PHF14: variants seen among roughly 807,000 people sequenced by gnomAD.
The protein encoded by PHF14 is PHD finger protein 14.
In PHF14, 55 loss-of-function variants were observed where a neutral mutation model predicts 117.9. The ratio of observed to expected loss-of-function variants is 0.47; its 90% CI spans 0.38 to 0.58. PHF14 has a LOEUF of 0.58. PHF14 is among the 20% of genes least tolerant of loss of function. The pLI is 0.00. For synonymous variants in PHF14, 409 were observed against 368.6 expected, an observed-to-expected ratio of 1.11 and a Z score of -1.26; for missense variants, 978 against 1,122.2, an observed-to-expected ratio of 0.87 and a Z score of 1.84.
At chr7:10,992,898 T>C (rs1307330455) in intron 4 of PHF14, among the ~76,000 whole-genome samples, 1 of 152,224 alleles carries the variant, frequency 6.6e-6, no homozygotes, top group East Asian at 1.9e-4. Flanking sequence ...TGAGTTTCTG[T>C]CTCATAGACA....
intron 17 of PHF14, among the ~76,000 whole-genome samples, chr7:11,122,352 T>TATATATATATATATATATATATAAACAC: frequency 1.5e-5 from 1 of 65,856 alleles, no homozygotes; most frequent in Non-Finnish European, 2.8e-5. Context: ...TATATATATA[T>TATATATATATATATATATATATAAACAC]ACACACACAC....
chr7:11,106,356 T>C (rs1394300060), intron 16 of PHF14: 2 of 980,080 alleles, frequency 2.0e-6, no homozygotes, highest in Non-Finnish European at 2.4e-6. Flanking sequence ...ATTAATGAAA[T>C]AGGTTCAAGC....
intron 4 of PHF14, among the ~76,000 whole-genome samples, chr7:11,012,472 G>T (rs367901814): frequency 6.6e-6 from 1 of 152,214 alleles, no homozygotes; most frequent in East Asian, 1.9e-4. Context: ...TGTGTTGAAA[G>T]AAATCTGCAT....
intron 14 of PHF14, among the ~76,000 whole-genome samples, chr7:11,053,957 G>T (rs769643836): frequency 6.6e-6 from 1 of 151,502 alleles, no homozygotes; most frequent in Non-Finnish European, 1.5e-5. Context: ...TCCATGACCA[G>T]TAATTTCAGG....
At chr7:11,067,975 A>G (rs1414460623) in intron 16 of PHF14, among the ~76,000 whole-genome samples, 1 of 152,202 alleles carries the variant, frequency 6.6e-6, no homozygotes, top group Non-Finnish European at 1.5e-5. Context: ...AAGTGGGATC[A>G]CATTTCAACA....
At chr7:10,979,698 G>A (rs557045334) in intron 2 of PHF14, among the ~76,000 whole-genome samples, 3 of 151,842 alleles carry the variant, frequency 2.0e-5, no homozygotes, top group East Asian at 3.9e-4. Context: ...AATAAATATG[G>A]TTTATCTCCA....
chr7:11,162,781 G>A (rs943575103), intron 17 of PHF14, among the ~76,000 whole-genome samples: 1 of 150,772 alleles, frequency 6.6e-6, no homozygotes, highest in African/African-American at 2.4e-5. Flanking sequence ...CGCTTCCTGG[G>A]TTCAAGTGAT....
At chr7:11,034,874 G>T (rs10228209) in intron 7 of PHF14, among the ~76,000 whole-genome samples, 2 of 151,980 alleles carry the variant, frequency 1.3e-5, no homozygotes, top group African/African-American at 4.8e-5. Context: ...ATCCTCAGTA[G>T]AATCTGTCCA....
chr7:11,034,064 T>C (rs1026874404), intron 7 of PHF14, among the ~76,000 whole-genome samples: 2 of 152,224 alleles, frequency 1.3e-5, no homozygotes, highest in African/African-American at 4.8e-5. Context: ...CTTCAAATTC[T>C]GTGATACACA....
chr7:11,035,809 CGTAT>C, intron 8 of PHF14, 23 bp downstream of exon 8: 1 of 1,547,554 alleles, frequency 6.5e-7, no homozygotes, highest in Non-Finnish European at 8.8e-7. Context: ...TGTCAAAACC[CGTAT>C]GTTTTTGTTT....
intron 17 of PHF14, among the ~76,000 whole-genome samples, chr7:11,138,206 A>G (rs1228945191): frequency 6.6e-6 from 1 of 151,880 alleles, no homozygotes; most frequent in Non-Finnish European, 1.5e-5. Flanking sequence ...ACACCTGGCT[A>G]ATTTTTTGTA....
chr7:11,147,294 G>A (rs1201503403), intron 17 of PHF14, among the ~76,000 whole-genome samples: 1 of 152,152 alleles, frequency 6.6e-6, no homozygotes, highest in Non-Finnish European at 1.5e-5. Flanking sequence ...TCCAGAGATA[G>A]CAGCTCAAGG....
chr7:11,120,199 C>T (rs1393591052), intron 17 of PHF14, among the ~76,000 whole-genome samples: 2 of 151,768 alleles, frequency 1.3e-5, no homozygotes, highest in African/African-American at 4.8e-5. Context: ...TGAAAAGAAA[C>T]AAACTGGGCT....
At chr7:11,020,189 G>C (rs1783686141) in intron 5 of PHF14, among the ~76,000 whole-genome samples, 2 of 151,518 alleles carry the variant, frequency 1.3e-5, no homozygotes, top group East Asian at 1.9e-4. Flanking sequence ...CCTGGGCTCA[G>C]GTGATCCTCC....
chr7:11,079,293 G>A lies in PHF14; in HGVS notation c.2654+17208G>A, dbSNP rs1186336563. On this transcript the variant is annotated intron_variant, in intron 16 of 17. Transcript: ENST00000634607. ...TGGCTCGGTAGCTGGCTTTTGCCAT[G>A]GCATATAAGCTGAGCGGTTATTCTA... Among the ~76,000 whole-genome samples, 26 of 152,104 alleles carry A rather than the reference G, an allele frequency of 1.7e-4. 1 individual carries two copies. The highest frequency in any genetic ancestry group is 1.7e-3 in the Admixed American group (26 of 15,282).
At chr7:11,004,289 C>T (rs560611802) in intron 4 of PHF14, among the ~76,000 whole-genome samples, 4 of 142,850 alleles carry the variant, frequency 2.8e-5, no homozygotes, top group Non-Finnish European at 4.5e-5. Context: ...AAGAAAACAT[C>T]TCTCATAATC....
intron 13 of PHF14, among the ~76,000 whole-genome samples, chr7:11,044,970 C>T (rs778017098): frequency 6.6e-6 from 1 of 152,134 alleles, no homozygotes; most frequent in East Asian, 1.9e-4. Flanking sequence ...TGTCAGTGCT[C>T]AAAAAACATT....
At chr7:11,045,647 C>T (rs901955121) in intron 13 of PHF14, among the ~76,000 whole-genome samples, 5 of 152,124 alleles carry the variant, frequency 3.3e-5, no homozygotes, top group African/African-American at 1.2e-4. Flanking sequence ...CAGTCCATCC[C>T]AGAGTTCTGT....
At chr7:11,095,672 A>C (rs139960909) in intron 16 of PHF14, among the ~76,000 whole-genome samples, 1 of 152,178 alleles carries the variant, frequency 6.6e-6, no homozygotes, top group African/African-American at 2.4e-5. Context: ...TTCATTATCT[A>C]CTAAATTGGG....
Sources: gnomAD v4.1 joint callset for allele counts (sites outside exome capture counted in the v4.1 genomes callset) on GRCh38, gnomAD v4.1.1 for gene constraint, MANE v1.5 for transcripts, NCBI Gene and HGNC (gene_info 2026-07-23, HGNC 2026-07-21) for gene names.